Variants in MAPRE2 observed in about 807,000 individuals in gnomAD.
MAPRE2 encodes the protein microtubule associated protein RP/EB family member 2, also known as microtubule-associated protein RP/EB family member 2.
A neutral mutation model predicts 43.2 loss-of-function variants in MAPRE2; 13 were observed. That is an observed-to-expected ratio of 0.30 (90% CI 0.20 to 0.48). The LOEUF (loss-of-function observed/expected upper bound fraction) is 0.48. MAPRE2 is among the 20% of genes least tolerant of loss of function. The pLI, the probability that MAPRE2 is intolerant of heterozygous loss-of-function variation, is 0.99. For synonymous variants in MAPRE2, 135 were observed against 148.8 expected (o/e 0.91, Z 0.68); for missense variants, 161 against 400.2 (o/e 0.40, Z 5.10).
intron 2 of MAPRE2, among the ~76,000 whole-genome samples, chr18:35,025,853 C>G (rs1412358702): frequency 6.6e-6 from 1 of 152,176 alleles, no homozygotes; most frequent in African/African-American, 2.4e-5. Context: ...ACAGAGGAAG[C>G]TTTGCTTATG....
chr18:35,070,960 C>T (rs1323744280), intron 2 of MAPRE2, among the ~76,000 whole-genome samples: 1 of 152,144 alleles, frequency 6.6e-6, no homozygotes, highest in Non-Finnish European at 1.5e-5. Context: ...TCCCCAGCCT[C>T]GCAGGCTCCG....
At chr18:34,991,193 C>G (rs1257323156) in intron 1 of MAPRE2, among the ~76,000 whole-genome samples, 1 of 152,160 alleles carries the variant, frequency 6.6e-6, no homozygotes, top group Non-Finnish European at 1.5e-5. Context: ...CCTCCCCTCT[C>G]TTCCTCTTCT....
chr18:35,041,478 C>G lies in MAPRE2; in HGVS notation c.-62C>G, dbSNP rs1332788207. 1.9e-6 allele frequency: 3 copies of G among 1,612,254 alleles called. No individual in the cohort carries two copies. Among genetic ancestry groups the G allele is most frequent in the South Asian group, 2.2e-5 (2 of 91,050 alleles). ...CGGAGCAGGCGAGCGAGCGGGAAGA[C>G]GCAGCCACCTTCCTCACCAGCCAGC... is the stretch of plus-strand genomic sequence containing the variant. On this transcript the variant is annotated 5_prime_UTR_variant, in exon 1 of 7. Coordinates refer to ENST00000300249, the MANE Select transcript of MAPRE2 (RefSeq NM_014268.4).
chr18:35,111,448 T>C (rs1228019326), intron 4 of MAPRE2, among the ~76,000 whole-genome samples: 2 of 152,220 alleles, frequency 1.3e-5, no homozygotes, highest in African/African-American at 4.8e-5. Flanking sequence ...TTTGAGAATA[T>C]GTCACATTTT....
chr18:35,045,675 T>C (rs1159042904), intron 1 of MAPRE2, among the ~76,000 whole-genome samples: 1 of 152,188 alleles, frequency 6.6e-6, no homozygotes, highest in Non-Finnish European at 1.5e-5. Flanking sequence ...GAGGCTATTG[T>C]AACATGGCTC....
chr18:35,015,633 AGTGTGTGTGTGTGTGTGTGTGTGTGT>A (rs3082290), intron 2 of MAPRE2, among the ~76,000 whole-genome samples: 1 of 134,794 alleles, frequency 7.4e-6, no homozygotes, highest in Non-Finnish European at 1.6e-5. Flanking sequence ...TAGGGATGGC[AGTGTGTGTGTGTGTGTGTGTGTGTGT>A]GTGTGTGTGT....
At chr18:34,998,289 C>A (rs1044770931) in intron 1 of MAPRE2, among the ~76,000 whole-genome samples, 1 of 150,262 alleles carries the variant, frequency 6.7e-6, no homozygotes. Context: ...CAGGTCTCTA[C>A]AAGTCCCATT....
chr18:35,087,805 A>G (rs1481684836), intron 2 of MAPRE2, among the ~76,000 whole-genome samples: 1 of 152,198 alleles, frequency 6.6e-6, no homozygotes. Context: ...ATGCTGCTAT[A>G]ACAGAATACT....
At chr18:35,131,488 A>G (rs1910141832) in intron 5 of MAPRE2, among the ~76,000 whole-genome samples, 3 of 152,176 alleles carry the variant, frequency 2.0e-5, no homozygotes, top group Admixed American at 1.3e-4. Flanking sequence ...CCCATTCTTC[A>G]TAGATGGCAC....
At chr18:35,041,307 GC>G, upstream of MAPRE2, 1 of 1,414,176 alleles carries the variant, frequency 7.1e-7, no homozygotes, top group Non-Finnish European at 9.2e-7. Context: ...TTAGCGGGTT[GC>G]CATGGCAACA....
At chr18:35,014,447 G>A (rs1422160018) in intron 2 of MAPRE2, among the ~76,000 whole-genome samples, 1 of 151,370 alleles carries the variant, frequency 6.6e-6, no homozygotes, top group East Asian at 1.9e-4. Context: ...TATATACCTG[G>A]CAGATAAAAA....
intron 4 of MAPRE2, among the ~76,000 whole-genome samples, chr18:35,125,296 C>G (rs1909859368): frequency 6.6e-6 from 1 of 152,154 alleles, no homozygotes; most frequent in African/African-American, 2.4e-5. Context: ...TAACTGCTGT[C>G]ACATACCTGT....
intron 5 of MAPRE2, 114 bp from the exon 6 acceptor site, chr18:35,131,918 G>T: frequency 9.2e-7 from 1 of 1,087,186 alleles, no homozygotes; most frequent in South Asian, 1.6e-5. Context: ...TTACACATTG[G>T]TTATTTCTGC....
At chr18:35,045,036 T>G (rs1486364186) in intron 1 of MAPRE2, among the ~76,000 whole-genome samples, 1 of 152,190 alleles carries the variant, frequency 6.6e-6, no homozygotes, top group African/African-American at 2.4e-5. Context: ...TAATTCCAAT[T>G]GAAAAGAGTA....
intron 4 of MAPRE2, among the ~76,000 whole-genome samples, chr18:35,105,475 G>T (rs1045285679): frequency 2.6e-5 from 4 of 151,964 alleles, no homozygotes; most frequent in Admixed American, 6.6e-5. Context: ...TAGGAGAAAG[G>T]CTCCTATAAA....
chr18:35,068,524 T>G (rs1414359590), intron 1 of MAPRE2, among the ~76,000 whole-genome samples: 1 of 152,190 alleles, frequency 6.6e-6, no homozygotes, highest in Non-Finnish European at 1.5e-5. Flanking sequence ...ATAATTATAC[T>G]TCAAAATATA....
chr18:34,985,314 TA>T lies in MAPRE2; in HGVS notation c.-70+8236del, dbSNP rs1433973778. On this transcript the variant is annotated intron_variant, in intron 1 of 7. Transcript: ENST00000413393. The stretch of plus-strand genomic sequence containing the variant: ...ATTATATTATATATTGTATATATTA[TA>T]TTATATATATAATATAATATATAAT... 4.7e-4 allele frequency among the ~76,000 whole-genome samples: 21 copies of T among 44,634 alleles called. 4 individuals are homozygous for T. Among genetic ancestry groups the T allele is most frequent in the South Asian group, 3.4e-3 (5 of 1,464 alleles). The allele number at this position is 44,634 out of a possible 152,430, so 29.3% of individuals were successfully genotyped here. A position where few individuals can be genotyped will look rare whatever the true frequency, so the allele number is the denominator to read the frequency against.
chr18:35,074,095 A>G (rs1231006958), intron 2 of MAPRE2, among the ~76,000 whole-genome samples: 1 of 152,228 alleles, frequency 6.6e-6, no homozygotes, highest in Admixed American at 6.5e-5. Context: ...GTGGGCTATC[A>G]ATGAATGTGA....
intron 2 of MAPRE2, among the ~76,000 whole-genome samples, chr18:35,071,593 A>C (rs561779863): frequency 6.6e-6 from 1 of 152,320 alleles, no homozygotes; most frequent in South Asian, 2.1e-4. Context: ...AAATTTCATG[A>C]GTCAGAATAG....
Sources: allele counts gnomAD v4.1 joint callset (sites outside exome capture counted in the v4.1 genomes callset), GRCh38; gene constraint gnomAD v4.1.1; transcripts MANE v1.5; gene names NCBI Gene and HGNC (gene_info 2026-07-23, HGNC 2026-07-21).